FAT4: variants seen among roughly 807,000 people sequenced by gnomAD.
FAT4 encodes FAT atypical cadherin 4, also known as protocadherin Fat 4.
A neutral mutation model predicts 303.9 loss-of-function variants in FAT4; 84 were observed. That is an observed-to-expected ratio of 0.28 (90% CI 0.23 to 0.33). The LOEUF (loss-of-function observed/expected upper bound fraction) is 0.33, where lower values mean the gene tolerates loss of function less well. Among genes scored for constraint, FAT4 ranks in the 10% least tolerant of loss-of-function variants. FAT4 has a pLI of 1.00. For missense variants in FAT4, 6,005 were observed against 6,146.8 expected, an observed-to-expected ratio of 0.98 and a Z score of 0.77; for synonymous variants, 2,307 against 2,298.8, an observed-to-expected ratio of 1.00 and a Z score of -0.10.
At chr4:125,412,811 T>C (rs1734897169) in intron 5 of FAT4, among the ~76,000 whole-genome samples, 1 of 151,912 alleles carries the variant, frequency 6.6e-6, no homozygotes, top group African/African-American at 2.4e-5. Context: ...TTTTATATGC[T>C]TCTCTAGAAT....
intron 3 of FAT4, among the ~76,000 whole-genome samples, chr4:125,403,266 T>C (rs1288508387): frequency 6.6e-6 from 1 of 152,070 alleles, no homozygotes; most frequent in South Asian, 2.1e-4. Context: ...AACATGGGCT[T>C]GGAGAGGTTA....
At chr4:125,409,926 A>G (rs1734779744) in intron 5 of FAT4, among the ~76,000 whole-genome samples, 1 of 152,180 alleles carries the variant, frequency 6.6e-6, no homozygotes, top group Non-Finnish European at 1.5e-5. Context: ...ATAGGTCTCT[A>G]TTGACAGGCA....
rs780198080 is a variant in FAT4 at position 125,450,108 on chromosome 4, A to C, written c.9098A>C (p.Lys3033Thr). ...YFISNDNHLG[K>T]FKLDNDTGWI... is the part of the protein sequence containing the mutation. ...ATTTCTAATGATAACCATTTAGGAA[A>C]ATTTAAGTTGGACAATGATACGGGG... Residue 3033 changes from lysine to threonine, a missense_variant, in exon 10 of 18, where the codon AAA (lysine) becomes ACA (threonine). By Grantham distance (78) the Lys-to-Thr change is moderately conservative (BLOSUM62 -1). Coordinates refer to ENST00000394329, the MANE Select transcript of FAT4 (RefSeq NM_001291303.3). The C allele has an allele frequency of 6.2e-7, 1 of 1,613,854 alleles. No individual in the cohort carries two copies. Among genetic ancestry groups the C allele is most frequent in the East Asian group, 2.2e-5 (1 of 44,864 alleles).
At chr4:125,327,483 T>G (rs924491133) in intron 2 of FAT4, among the ~76,000 whole-genome samples, 2 of 152,192 alleles carry the variant, frequency 1.3e-5, no homozygotes, top group African/African-American at 4.8e-5. Context: ...GGATAAATTT[T>G]TTGATTTTGT....
intron 10 of FAT4, among the ~76,000 whole-genome samples, chr4:125,458,084 TA>T (rs147995829): frequency 0.032 from 4,899 of 152,156 alleles, 113 homozygotes; most frequent in Middle Eastern, 0.075. Context: ...TCTTATAACA[TA>T]ATTAGTTCAT....
chr4:125,452,129 T>C lies in FAT4; in HGVS notation c.11119T>C (p.Ser3707Pro). Residue 3707 changes from serine (S) to proline (P), a missense_variant, in exon 10 of 18, where the codon TCC becomes CCC. Transcript: ENST00000394329. ...CATCCGAGTTTTCTTTGCTGGATTT[T>C]CCAATGCCACAGTGGATAACAGCAT... ...SNIRVFFAGF[S>P]NATVDNSILL... 6.2e-7 allele frequency: 1 copy of C among 1,614,178 alleles called. No homozygotes were observed. Among genetic ancestry groups the C allele is most frequent in the Non-Finnish European group, 8.5e-7 (1 of 1,180,026 alleles).
chr4:125,428,916 G>A (rs1725189727), intron 7 of FAT4, among the ~76,000 whole-genome samples: 1 of 152,056 alleles, frequency 6.6e-6, no homozygotes, highest in South Asian at 2.1e-4. Flanking sequence ...AGGAGCCCGT[G>A]TCATTATATC....
chr4:125,458,385 A>G (rs1171010710), intron 10 of FAT4, among the ~76,000 whole-genome samples: 1 of 152,012 alleles, frequency 6.6e-6, no homozygotes, highest in Non-Finnish European at 1.5e-5. Flanking sequence ...AAGAGTTACT[A>G]AGAGTGATTC....
intron 8 of FAT4, among the ~76,000 whole-genome samples, chr4:125,440,610 T>TGTGTGTGAGAGAGAGAGAGAGAGAGA (rs372756130): frequency 2.3e-3 from 177 of 75,726 alleles, no homozygotes; most frequent in Non-Finnish European, 3.5e-3. Context: ...TGTGTGTGTG[T>TGTGTGTGAGAGAGAGAGAGAGAGAGA]GAGAGAGAGA....
Position 125,318,314 on chromosome 4 carries a change from G to T in FAT4, c.1903G>T (p.Asp635Tyr), listed in dbSNP as rs374308807. ...AETDRRSFRL[D>Y]PVSGRLSTIS... ...GACTGACCGGAGGTCCTTCCGTCTG[G>T]ATCCTGTGTCTGGGAGGTTGAGTAC... Residue 635 changes from aspartate (D) to tyrosine (Y), a missense_variant, in exon 2 of 18, where the codon GAT becomes TAT. Asp to Tyr is a radical substitution (Grantham distance 160). Transcript: ENST00000394329. 48 of 1,614,086 alleles carry T rather than the reference G, an allele frequency of 3.0e-5. No homozygotes were observed. Among genetic ancestry groups the T allele is most frequent in the African/African-American group, 6.7e-5 (5 of 74,936 alleles).
At chr4:125,360,494 G>A (rs1732612291) in intron 2 of FAT4, among the ~76,000 whole-genome samples, 1 of 152,120 alleles carries the variant, frequency 6.6e-6, no homozygotes, top group Non-Finnish European at 1.5e-5. Context: ...CCTCGGTAGA[G>A]TCCCACTGTG....
At chr4:125,469,940 T>C (rs1726800528) in intron 12 of FAT4, among the ~76,000 whole-genome samples, 1 of 152,206 alleles carries the variant, frequency 6.6e-6, no homozygotes. Context: ...AGAGGAATCA[T>C]CATCTGTGGC....
intron 7 of FAT4, among the ~76,000 whole-genome samples, chr4:125,431,838 C>T (rs1284539628): frequency 7.0e-6 from 1 of 143,286 alleles, no homozygotes; most frequent in Non-Finnish European, 1.5e-5. Flanking sequence ...CACAAATGCA[C>T]ACATATTCCC....
In FAT4 at chr4:125,416,482, G is replaced by A. The variant is rs1735070786; in HGVS notation, c.6878G>A (p.Ser2293Asn). 1 of 1,613,766 alleles carries A rather than the reference G, an allele frequency of 6.2e-7. No individual in the cohort carries two copies. The highest frequency in any genetic ancestry group is 8.5e-7 in the Non-Finnish European group (1 of 1,179,812). ...VARDDDRGSN[S>N]KLSYVLFGGN... is the part of the protein sequence containing the mutation. ...AGAGATGATGATCGAGGATCTAACAGCAAACTCTCATATGTTCTGTTTGGT... is the reference window on the plus strand; with the variant it reads ...AGAGATGATGATCGAGGATCTAACAACAAACTCTCATATGTTCTGTTTGGT... Residue 2293 changes from serine to asparagine, a missense_variant, in exon 7 of 18, where the codon AGC becomes AAC. Transcript: ENST00000394329.
intron 11 of FAT4, among the ~76,000 whole-genome samples, chr4:125,466,663 C>T (rs1049143635): frequency 1.3e-5 from 2 of 150,074 alleles, no homozygotes; most frequent in African/African-American, 2.4e-5. Context: ...AATATTATCT[C>T]TATATATCAT....
chr4:125,405,845 A>G lies in FAT4; in HGVS notation c.5308-1035A>G, dbSNP rs1008675603. Among the ~76,000 whole-genome samples, 4 of 152,108 alleles carry G rather than the reference A, an allele frequency of 2.6e-5. No individual in the cohort carries two copies. The East Asian group carries it at 5.8e-4, about 22-fold the overall frequency. On this transcript the variant is annotated intron_variant, in intron 3 of 17. Transcript: ENST00000394329. ...TGTATTCTTTTAAAGAAACATCTATATAAGACCTTAACCATTTTTTTATTG... is the reference window on the plus strand; with the variant it reads ...TGTATTCTTTTAAAGAAACATCTATGTAAGACCTTAACCATTTTTTTATTG...
chr4:125,442,680 C>T (rs1560610583), intron 8 of FAT4, among the ~76,000 whole-genome samples: 1 of 152,048 alleles, frequency 6.6e-6, no homozygotes, highest in Non-Finnish European at 1.5e-5. Context: ...ACTTGAGACC[C>T]ATCCCCTAGA....
intron 2 of FAT4, among the ~76,000 whole-genome samples, chr4:125,376,583 G>C (rs1395596595): frequency 6.6e-6 from 1 of 152,078 alleles, no homozygotes; most frequent in Non-Finnish European, 1.5e-5. Flanking sequence ...GTGAACCCTA[G>C]ATCTTAAGTA....
chr4:125,458,718 C>T (rs1337875185), intron 10 of FAT4, among the ~76,000 whole-genome samples: 1 of 151,814 alleles, frequency 6.6e-6, no homozygotes, highest in Non-Finnish European at 1.5e-5. Context: ...TGTGTGTAAT[C>T]ATATGTAATC....
Sources: allele counts gnomAD v4.1 joint callset (sites outside exome capture counted in the v4.1 genomes callset), GRCh38; gene constraint gnomAD v4.1.1; transcripts MANE v1.5; gene names NCBI Gene and HGNC (gene_info 2026-07-23, HGNC 2026-07-21).